Variants in PLXDC2 observed in about 807,000 individuals in gnomAD.
The protein encoded by PLXDC2 is plexin domain-containing protein 2.
In PLXDC2, 40 loss-of-function variants were observed where a neutral mutation model predicts 68.9. The ratio of observed to expected loss-of-function variants is 0.58; its 90% CI spans 0.45 to 0.76. PLXDC2 has a LOEUF of 0.76. Among genes scored for constraint, PLXDC2 ranks in the 30% least tolerant of loss-of-function variants. The pLI is 0.00. For missense variants in PLXDC2, 644 were observed against 661.9 expected, an observed-to-expected ratio of 0.97 and a Z score of 0.30; for synonymous variants, 243 against 234.2, an observed-to-expected ratio of 1.04 and a Z score of -0.34.
chr10:19,828,018 A>G (rs1298370523), intron 1 of PLXDC2, among the ~76,000 whole-genome samples: 1 of 152,238 alleles, frequency 6.6e-6, no homozygotes, highest in Non-Finnish European at 1.5e-5. Context: ...TAGTTTAATT[A>G]AAATGAACAA....
Position 20,194,818 on chromosome 10 carries a change from C to T in PLXDC2, c.1062-16851C>T, listed in dbSNP as rs574312239. 2.9e-3 allele frequency among the ~76,000 whole-genome samples: 369 copies of T among 128,784 alleles called. 2 individuals are homozygous for T. The highest frequency in any genetic ancestry group is 1.9e-3 in the Non-Finnish European group (121 of 63,674). The allele number at this position is 128,784 out of a possible 152,430, so 84.5% of individuals were successfully genotyped here. On this transcript the variant is annotated intron_variant, in intron 9 of 13. Transcript: ENST00000377252. ...CACCCCAGGACAGGCCCCACTTGGA[C>T]ACAGGAAGAAATACCTTTTAACAGA...
At chr10:19,867,400 C>G (rs1368392836) in intron 1 of PLXDC2, among the ~76,000 whole-genome samples, 1 of 152,166 alleles carries the variant, frequency 6.6e-6, no homozygotes, top group African/African-American at 2.4e-5. Context: ...TGTGACAGGG[C>G]TCAGCATTTT....
chr10:20,211,798 A>G, intron 10 of PLXDC2, 69 bp downstream of exon 10: 1 of 1,439,896 alleles, frequency 6.9e-7, no homozygotes, highest in Non-Finnish European at 9.6e-7. Flanking sequence ...AACTGTTAAT[A>G]ATTTTTATTC....
intron 2 of PLXDC2, among the ~76,000 whole-genome samples, chr10:20,004,914 G>A (rs1201648247): frequency 1.3e-5 from 2 of 152,148 alleles, no homozygotes; most frequent in African/African-American, 2.4e-5. Flanking sequence ...CTGTTTGGTG[G>A]GTACTCACCC....
At chr10:20,183,504 A>G (rs1256131913) in intron 9 of PLXDC2, among the ~76,000 whole-genome samples, 1 of 152,036 alleles carries the variant, frequency 6.6e-6, no homozygotes, top group Non-Finnish European at 1.5e-5. Flanking sequence ...AGGGAGAGAC[A>G]TGAGACTGTT....
Position 20,224,266 on chromosome 10 carries a change from A to T in PLXDC2, c.1312+5164A>T, listed in dbSNP as rs1835257156. 5.3e-5 allele frequency among the ~76,000 whole-genome samples: 8 copies of T among 151,970 alleles called. No homozygotes were observed. The South Asian group carries it at 1.7e-3, about 32-fold the overall frequency. ...TGGGATTACAGGTGTGAGCCACTGC[A>T]CCCGGCTGTATTTTTCAAATGTCTG... is the stretch of plus-strand genomic sequence containing the variant. On this transcript the variant is annotated intron_variant, in intron 12 of 13. Coordinates refer to ENST00000377252, the MANE Select transcript of PLXDC2 (RefSeq NM_032812.9).
At chr10:20,073,371 G>A (rs1836374184) in intron 4 of PLXDC2, among the ~76,000 whole-genome samples, 1 of 152,142 alleles carries the variant, frequency 6.6e-6, no homozygotes, top group African/African-American at 2.4e-5. Flanking sequence ...GCTAAGGTCA[G>A]CACAATTTAA....
chr10:19,818,770 T>C (rs1467605540), intron 1 of PLXDC2, among the ~76,000 whole-genome samples: 2 of 152,110 alleles, frequency 1.3e-5, no homozygotes, highest in Non-Finnish European at 2.9e-5. Flanking sequence ...AAGGACACAG[T>C]TATTTAAAAA....
chr10:19,900,230 A>T (rs185240660), intron 1 of PLXDC2, among the ~76,000 whole-genome samples: 61 of 152,324 alleles, frequency 4.0e-4, no homozygotes, highest in Non-Finnish European at 6.5e-4. Context: ...TGAGAATTAG[A>T]GAAAATATGG....
intron 1 of PLXDC2, among the ~76,000 whole-genome samples, chr10:19,862,233 A>C (rs188714011): frequency 2.0e-5 from 3 of 152,344 alleles, no homozygotes; most frequent in African/African-American, 7.2e-5. Flanking sequence ...TGAATCAGTT[A>C]CATTCTCTAA....
chr10:19,891,584 C>T (rs1022460020), intron 1 of PLXDC2, among the ~76,000 whole-genome samples: 1 of 152,174 alleles, frequency 6.6e-6, no homozygotes, highest in African/African-American at 2.4e-5. Context: ...GGGTCTCCAC[C>T]TCTGCCTCCT....
chr10:19,976,447 G>A (rs921793184), intron 1 of PLXDC2, among the ~76,000 whole-genome samples: 4 of 151,930 alleles, frequency 2.6e-5, no homozygotes, highest in African/African-American at 7.2e-5. Context: ...ACTCCTGACC[G>A]CGTGATCCAC....
At chr10:20,098,390 T>A (rs1000503575) in intron 4 of PLXDC2, among the ~76,000 whole-genome samples, 2 of 150,790 alleles carry the variant, frequency 1.3e-5, no homozygotes, top group African/African-American at 5.0e-5. Flanking sequence ...TGTGTATGTA[T>A]GTAATCTCCC....
At chr10:20,079,926 T>A (rs1221925467) in intron 4 of PLXDC2, among the ~76,000 whole-genome samples, 1 of 152,010 alleles carries the variant, frequency 6.6e-6, no homozygotes, top group African/African-American at 2.4e-5. Context: ...ATTCCGCACA[T>A]GTATTCCAGA....
chr10:20,095,151 T>G (rs1314711505), intron 4 of PLXDC2, among the ~76,000 whole-genome samples: 1 of 152,220 alleles, frequency 6.6e-6, no homozygotes, highest in Non-Finnish European at 1.5e-5. Context: ...TGACATAAAA[T>G]CAATATTTTA....
chr10:19,998,007 A>G (rs12359700), intron 1 of PLXDC2, among the ~76,000 whole-genome samples: 16,970 of 152,280 alleles, frequency 0.11, 1,098 homozygotes, highest in Admixed American at 0.17. Flanking sequence ...GTGATTAATG[A>G]CTATAGCCAA....
chr10:19,918,880 AT>A (rs1294182618), intron 1 of PLXDC2, among the ~76,000 whole-genome samples: 3 of 152,198 alleles, frequency 2.0e-5, no homozygotes, highest in Admixed American at 6.5e-5. Context: ...TTATTTCATC[AT>A]GTATGGAGTG....
At chr10:19,938,812 C>G (rs1487924986) in intron 1 of PLXDC2, among the ~76,000 whole-genome samples, 1 of 152,082 alleles carries the variant, frequency 6.6e-6, no homozygotes, top group Admixed American at 6.6e-5. Flanking sequence ...AGAGTTGGGT[C>G]AGAGGAAGAT....
At chr10:20,159,105 C>T (rs767506351) in intron 6 of PLXDC2, among the ~76,000 whole-genome samples, 1 of 152,108 alleles carries the variant, frequency 6.6e-6, no homozygotes, top group African/African-American at 2.4e-5. Context: ...CATTTGAAGC[C>T]AGTGGTTTTG....
Sources: allele counts gnomAD v4.1 joint callset (sites outside exome capture counted in the v4.1 genomes callset), GRCh38; gene constraint gnomAD v4.1.1; transcripts MANE v1.5; gene names NCBI Gene and HGNC (gene_info 2026-07-23, HGNC 2026-07-21).